The following COQ5 variants were observed in gnomAD, a reference collection of about 807,000 sequenced individuals.
The protein encoded by COQ5 is coenzyme Q5, methyltransferase, also known as 2-methoxy-6-polyprenyl-1,4-benzoquinol methylase, mitochondrial.
Under a neutral mutation model 40.5 loss-of-function variants are expected in COQ5, and 27 were observed. That is an observed-to-expected ratio of 0.67 (90% CI 0.49 to 0.92). The LOEUF (loss-of-function observed/expected upper bound fraction) is 0.92. COQ5 is among the 40% of genes least tolerant of loss of function. The probability of loss-of-function intolerance (pLI) is 0.00; values close to 1 mark genes in which losing one functional copy is unlikely to be tolerated. For missense variants in COQ5, 409 were observed against 406.4 expected (o/e 1.01, Z -0.06); for synonymous variants, 141 against 150.0 (o/e 0.94, Z 0.44).
intron 1 of COQ5, among the ~76,000 whole-genome samples, chr12:120,527,860 C>G (rs985917012): frequency 6.6e-6 from 1 of 151,094 alleles, no homozygotes; most frequent in Non-Finnish European, 1.5e-5. Context: ...GGTGGCGGGC[C>G]CCTGTAGTCC....
intron 2 of COQ5, 81 bp downstream of exon 2, chr12:120,522,133 G>C: frequency 6.9e-7 from 1 of 1,442,170 alleles, no homozygotes; most frequent in Non-Finnish European, 9.7e-7. Context: ...CCTCGTGTTA[G>C]GTGAGCTAGC....
Position 120,519,770 on chromosome 12 carries a change from C to T in COQ5, c.352+2444G>A, listed in dbSNP as rs1039416222. On this transcript the variant is annotated intron_variant, in intron 2 of 6. Transcript: ENST00000288532. ...CTGTAGTCCCAGCTACTTAGGAGGC[C>T]GAGGCAGGAAAATCGCTTGAACCTA... 2.7e-5 allele frequency among the ~76,000 whole-genome samples: 4 copies of T among 150,906 alleles called. No homozygotes were observed. In the South Asian group the frequency reaches 6.3e-4, roughly 24 times the overall value.
intron 3 of COQ5, among the ~76,000 whole-genome samples, chr12:120,512,530 G>A (rs1794747): frequency 0.057 from 8,681 of 152,086 alleles, 365 homozygotes; most frequent in South Asian, 0.097. Flanking sequence ...GAACCGGGAG[G>A]CGGAGGTTGC....
intron 1 of COQ5, among the ~76,000 whole-genome samples, chr12:120,524,419 C>T (rs1254413265): frequency 1.3e-5 from 2 of 151,476 alleles, no homozygotes; most frequent in Non-Finnish European, 3.0e-5. Context: ...CGCCACCACG[C>T]CCAGCTAATT....
chr12:120,514,270 T>G (rs1593018576), intron 3 of COQ5, among the ~76,000 whole-genome samples: 2 of 149,712 alleles, frequency 1.3e-5, no homozygotes. Context: ...CTTCTGGGGG[T>G]GGGAGGAGGA....
intron 3 of COQ5, among the ~76,000 whole-genome samples, chr12:120,513,202 TA>T (rs935051374): frequency 4.2e-4 from 59 of 139,834 alleles, no homozygotes; most frequent in African/African-American, 5.7e-4. Context: ...TGCTATACAT[TA>T]AAAAAAAAAG....
intron 1 of COQ5, among the ~76,000 whole-genome samples, chr12:120,524,362 G>A (rs1200276492): frequency 1.3e-5 from 2 of 151,712 alleles, no homozygotes; most frequent in Admixed American, 6.6e-5. Flanking sequence ...CCGGGTTCAC[G>A]CCATTCTCCT....
chr12:120,528,134 T>C (rs1328425257), intron 1 of COQ5, among the ~76,000 whole-genome samples: 1 of 150,444 alleles, frequency 6.6e-6, no homozygotes, highest in African/African-American at 2.4e-5. Context: ...CCTAGGAGGC[T>C]GAGGTTGCAG....
At chr12:120,518,008 T>C (rs1246099014) in intron 2 of COQ5, among the ~76,000 whole-genome samples, 1 of 152,092 alleles carries the variant, frequency 6.6e-6, no homozygotes, top group African/African-American at 2.4e-5. Flanking sequence ...GGTTTCATCA[T>C]GTTGGTCAGG....
rs146893758 is a variant in COQ5, at chr12:120,518,071, T to C, written c.353-1283A>G. On this transcript the variant is annotated intron_variant, in intron 2 of 6. Transcript: ENST00000288532. ...ATCCACTCGCCTCGGCCTCCCAAAG[T>C]GCTGGGATTACAGGCATGAGCCATT... is the stretch of plus-strand genomic sequence containing the variant. Among the ~76,000 whole-genome samples, 1,462 of 152,216 alleles carry C rather than the reference T, an allele frequency of 9.6e-3. 23 individuals carry two copies. Among genetic ancestry groups the C allele is most frequent in the African/African-American group, 0.034 (1,400 of 41,540 alleles).
At chr12:120,504,819 T>C (rs1868806988) in intron 5 of COQ5, 76 bp downstream of exon 5, 1 of 1,223,162 alleles carries the variant, frequency 8.2e-7, no homozygotes, top group African/African-American at 1.5e-5. Flanking sequence ...TATAGCTTAC[T>C]GGCTATTTTC....
intron 1 of COQ5, chr12:120,523,440 C>T: frequency 4.9e-6 from 2 of 405,114 alleles, no homozygotes; most frequent in South Asian, 2.0e-5. Context: ...TTAGACTTGG[C>T]CATGTCTGCA....
intron 3 of COQ5, among the ~76,000 whole-genome samples, chr12:120,512,719 G>A (rs903607412): frequency 3.3e-5 from 5 of 152,182 alleles, no homozygotes; most frequent in South Asian, 2.1e-4. Flanking sequence ...ATATTGAGGG[G>A]CAACTCTGAA....
chr12:120,522,496 G>T, intron 1 of COQ5, 133 bp from the exon 2 acceptor site: 1 of 813,892 alleles, frequency 1.2e-6, no homozygotes. Flanking sequence ...CGTAATGCTT[G>T]ATGCCCAAAT....
intron 3 of COQ5, among the ~76,000 whole-genome samples, chr12:120,515,118 G>T (rs1283077180): frequency 1.3e-5 from 2 of 150,092 alleles, no homozygotes; most frequent in African/African-American, 4.9e-5. Flanking sequence ...TTGAGACAGG[G>T]TCTTACTCTG....
At chr12:120,513,987 C>T (rs1869263599) in intron 3 of COQ5, among the ~76,000 whole-genome samples, 1 of 152,046 alleles carries the variant, frequency 6.6e-6, no homozygotes, top group South Asian at 2.1e-4. Context: ...ATGCATTTGT[C>T]TTGGTGCTTA....
At position 120,522,370 on chromosome 12, in the gene COQ5, T is replaced by A; in HGVS notation, c.203-7A>T. ...CTTTCAAACACCTGATAGACTGACA[T>A]GGGAGAAACACACACAATAGTGCTA... On this transcript the variant is annotated splice_region_variant and splice_polypyrimidine_tract_variant and intron_variant, in intron 1 of 6. Coordinates refer to ENST00000288532, the MANE Select transcript of COQ5 (RefSeq NM_032314.4). 6.2e-7 allele frequency: 1 copy of A among 1,612,872 alleles called. No homozygotes were observed. Among genetic ancestry groups the A allele is most frequent in the Non-Finnish European group, 8.5e-7 (1 of 1,178,874 alleles).
chr12:120,514,332 G>C (rs1869277449), intron 3 of COQ5, among the ~76,000 whole-genome samples: 1 of 152,070 alleles, frequency 6.6e-6, no homozygotes, highest in South Asian at 2.1e-4. Context: ...GGTGGGGGAG[G>C]AGAAGGAGAG....
chr12:120,524,551 C>A (rs371369331), intron 1 of COQ5, among the ~76,000 whole-genome samples: 1 of 152,140 alleles, frequency 6.6e-6, no homozygotes, highest in African/African-American at 2.4e-5. Flanking sequence ...TGAGCCACCA[C>A]GCCCGGCCTT....
Sources: gnomAD v4.1 joint callset for allele counts (sites outside exome capture counted in the v4.1 genomes callset) on GRCh38, gnomAD v4.1.1 for gene constraint, MANE v1.5 for transcripts, NCBI Gene and HGNC (gene_info 2026-07-23, HGNC 2026-07-21) for gene names.